The following NRG3 variants were observed in gnomAD, a reference collection of about 807,000 sequenced individuals.
The protein encoded by NRG3 is neuregulin 3.
In NRG3, 31 loss-of-function variants were observed where a neutral mutation model predicts 66.9. The observed-to-expected ratio is 0.46, with a 90% confidence interval of 0.35 to 0.63. The LOEUF (loss-of-function observed/expected upper bound fraction) is 0.63. Ranked by LOEUF, NRG3 falls within the 20% of genes least tolerant of loss-of-function variation. The probability of loss-of-function intolerance (pLI) is 0.00; values close to 1 mark genes in which losing one functional copy is unlikely to be tolerated. For synonymous variants in NRG3, 393 were observed against 359.4 expected, an observed-to-expected ratio of 1.09 and a Z score of -1.06; for missense variants, 910 against 878.9, an observed-to-expected ratio of 1.04 and a Z score of -0.45.
At chr10:82,311,453 A>G (rs931323238) in intron 1 of NRG3, among the ~76,000 whole-genome samples, 16 of 152,150 alleles carry the variant, frequency 1.1e-4, no homozygotes, top group African/African-American at 3.9e-4. Context: ...CTGTGAAACA[A>G]ATGTTCTCAT....
chr10:82,398,087 C>G (rs182354836), intron 2 of NRG3, among the ~76,000 whole-genome samples: 116 of 152,298 alleles, frequency 7.6e-4, no homozygotes, highest in African/African-American at 2.7e-3. Context: ...ATGCAACAGT[C>G]AGAGTGCCAG....
chr10:82,953,782 A>C (rs1181302396), intron 5 of NRG3, among the ~76,000 whole-genome samples: 2 of 151,720 alleles, frequency 1.3e-5, no homozygotes, highest in African/African-American at 4.9e-5. Flanking sequence ...ACATGGTGAA[A>C]TTCCATCTCT....
intron 2 of NRG3, among the ~76,000 whole-genome samples, chr10:82,455,934 A>AT (rs1459793899): frequency 1.3e-5 from 2 of 151,990 alleles, no homozygotes; most frequent in African/African-American, 4.8e-5. Flanking sequence ...CACTAAACTT[A>AT]TTTTTTAAAT....
chr10:82,101,369 T>C (rs2066711273), intron 1 of NRG3, among the ~76,000 whole-genome samples: 1 of 151,888 alleles, frequency 6.6e-6, no homozygotes, highest in Admixed American at 6.6e-5. Flanking sequence ...ATGTATTTCC[T>C]TCTGCTTTCT....
At chr10:82,661,537 G>A (rs570312259) in intron 2 of NRG3, among the ~76,000 whole-genome samples, 3 of 151,854 alleles carry the variant, frequency 2.0e-5, no homozygotes, top group African/African-American at 4.8e-5. Flanking sequence ...ATTTCATAGG[G>A]CTACTAAAAT....
chr10:82,267,439 G>C (rs576041145), intron 1 of NRG3, among the ~76,000 whole-genome samples: 1 of 152,268 alleles, frequency 6.6e-6, no homozygotes, highest in East Asian at 1.9e-4. Flanking sequence ...AGAAAGGAAA[G>C]CTTCCAAAGC....
At chr10:82,583,096 G>A (rs1375859232) in intron 2 of NRG3, among the ~76,000 whole-genome samples, 1 of 152,118 alleles carries the variant, frequency 6.6e-6, no homozygotes, top group Non-Finnish European at 1.5e-5. Context: ...GTTTTAATGG[G>A]AATTTGTGTT....
At chr10:82,464,209 C>T (rs1840457761) in intron 2 of NRG3, among the ~76,000 whole-genome samples, 1 of 152,032 alleles carries the variant, frequency 6.6e-6, no homozygotes, top group Admixed American at 6.5e-5. Flanking sequence ...GTGGCCTCTC[C>T]TAAATAAGAT....
At chr10:81,908,560 G>A (rs2132720532) in intron 1 of NRG3, among the ~76,000 whole-genome samples, 1 of 152,278 alleles carries the variant, frequency 6.6e-6, no homozygotes, top group Middle Eastern at 3.4e-3. Context: ...GTTATTTCAA[G>A]TTTCCAGAGA....
chr10:82,647,372 T>A (rs2051028507), intron 2 of NRG3, among the ~76,000 whole-genome samples: 1 of 152,362 alleles, frequency 6.6e-6, no homozygotes, highest in Middle Eastern at 3.4e-3. Flanking sequence ...CCATGGTGTA[T>A]ATGTGCCACA....
At chr10:82,129,101 C>T (rs188271328) in intron 1 of NRG3, among the ~76,000 whole-genome samples, 4 of 152,022 alleles carry the variant, frequency 2.6e-5, no homozygotes, top group Non-Finnish European at 2.9e-5. Context: ...TTAGGAGAGA[C>T]GGGGTTTCAC....
chr10:82,018,735 TTGTC>T (rs1319556203), intron 1 of NRG3, among the ~76,000 whole-genome samples: 2 of 152,140 alleles, frequency 1.3e-5, no homozygotes, highest in Admixed American at 6.6e-5. Flanking sequence ...GGCTCTCTAT[TTGTC>T]TGTTATTGGT....
chr10:82,673,508 C>T (rs2053450252), intron 2 of NRG3, among the ~76,000 whole-genome samples: 2 of 152,096 alleles, frequency 1.3e-5, no homozygotes, highest in Non-Finnish European at 2.9e-5. Context: ...TAAGTAAAGA[C>T]TTACTGTATT....
intron 2 of NRG3, among the ~76,000 whole-genome samples, chr10:82,587,596 A>C (rs1376422260): frequency 6.6e-6 from 1 of 152,228 alleles, no homozygotes; most frequent in Non-Finnish European, 1.5e-5. Flanking sequence ...AGGTAGGCCC[A>C]ACATCATCCA....
At chr10:82,222,340 T>C (rs2075979934) in intron 1 of NRG3, among the ~76,000 whole-genome samples, 1 of 149,926 alleles carries the variant, frequency 6.7e-6, no homozygotes, top group African/African-American at 2.5e-5. Flanking sequence ...ACGCCGATTG[T>C]GATGAGAACT....
chr10:82,247,454 G>A (rs994344177), intron 1 of NRG3, among the ~76,000 whole-genome samples: 3 of 151,796 alleles, frequency 2.0e-5, no homozygotes, highest in South Asian at 4.1e-4. Context: ...CTGTTTATAT[G>A]AACTATTACT....
At chr10:82,113,799 T>C (rs188336539) in intron 1 of NRG3, among the ~76,000 whole-genome samples, 2 of 152,296 alleles carry the variant, frequency 1.3e-5, no homozygotes, top group East Asian at 1.9e-4. Context: ...TATTTGCAAC[T>C]TTTCTGTAAA....
intron 1 of NRG3, among the ~76,000 whole-genome samples, chr10:81,971,436 CA>C (rs2059929729): frequency 6.6e-6 from 1 of 152,130 alleles, no homozygotes; most frequent in Non-Finnish European, 1.5e-5. Flanking sequence ...ATTTAGAAAA[CA>C]GAGTGAAAAT....
rs767506543 is a variant in NRG3 at position 82,114,563 on chromosome 10, G to A, written c.823+238400G>A. 3.9e-5 allele frequency among the ~76,000 whole-genome samples: 6 copies of A among 152,066 alleles called. No individual in the cohort carries two copies. In the East Asian group the frequency reaches 5.8e-4, roughly 15 times the overall value. ...TGCTTGCACAAGCATGTCGTCAAAAGTGTCTCCTTCAAAGAAGACTTCTGG... is the reference window on the plus strand; with the variant it reads ...TGCTTGCACAAGCATGTCGTCAAAAATGTCTCCTTCAAAGAAGACTTCTGG... On this transcript the variant is annotated intron_variant, in intron 1 of 8. Transcript: ENST00000372141.
Sources: allele counts gnomAD v4.1 joint callset (sites outside exome capture counted in the v4.1 genomes callset), GRCh38; gene constraint gnomAD v4.1.1; transcripts MANE v1.5; gene names NCBI Gene and HGNC (gene_info 2026-07-23, HGNC 2026-07-21).